Variants in BMP5 observed in about 807,000 individuals in gnomAD.
BMP5 encodes bone morphogenetic protein 5.
A neutral mutation model predicts 46.6 loss-of-function variants in BMP5; 23 were observed. The ratio of observed to expected loss-of-function variants is 0.49; its 90% CI spans 0.35 to 0.70. The LOEUF is 0.70. Among genes scored for constraint, BMP5 ranks in the 30% least tolerant of loss-of-function variants. The pLI is 0.00. For missense variants in BMP5, 545 were observed against 565.6 expected, an observed-to-expected ratio of 0.96 and a Z score of 0.37; for synonymous variants, 204 against 191.9, an observed-to-expected ratio of 1.06 and a Z score of -0.52.
intron 2 of BMP5, among the ~76,000 whole-genome samples, chr6:55,798,017 C>T (rs1010557962): frequency 2.0e-5 from 3 of 152,138 alleles, no homozygotes; most frequent in Admixed American, 6.5e-5. Flanking sequence ...TCAGCAGGGT[C>T]GGTTCTTTCT....
At chr6:55,855,362 G>A (rs1777365950) in intron 1 of BMP5, among the ~76,000 whole-genome samples, 1 of 151,758 alleles carries the variant, frequency 6.6e-6, no homozygotes, top group Non-Finnish European at 1.5e-5. Context: ...TCCAGCCTAG[G>A]TGACAGAGCA....
chr6:55,829,784 T>C (rs1776621943), intron 1 of BMP5, among the ~76,000 whole-genome samples: 1 of 152,004 alleles, frequency 6.6e-6, no homozygotes, highest in Non-Finnish European at 1.5e-5. Flanking sequence ...GAATTACGCA[T>C]TGTGAAACAC....
intron 1 of BMP5, among the ~76,000 whole-genome samples, chr6:55,850,402 A>G (rs1012396416): frequency 6.6e-6 from 1 of 151,262 alleles, no homozygotes; most frequent in Non-Finnish European, 1.5e-5. Flanking sequence ...AGATCGATAG[A>G]TATAGATAGA....
chr6:55,859,714 C>T (rs1465693702), intron 1 of BMP5, among the ~76,000 whole-genome samples: 2 of 152,148 alleles, frequency 1.3e-5, no homozygotes, highest in East Asian at 3.8e-4. Context: ...ACAATGTCAA[C>T]AAATTAAAGT....
chr6:55,797,517 T>C (rs1295751166), intron 2 of BMP5, among the ~76,000 whole-genome samples: 1 of 152,154 alleles, frequency 6.6e-6, no homozygotes, highest in East Asian at 1.9e-4. Context: ...GTTACAATAC[T>C]TGAAATTAAA....
chr6:55,833,045 G>C (rs1255933882), intron 1 of BMP5, among the ~76,000 whole-genome samples: 1 of 152,138 alleles, frequency 6.6e-6, no homozygotes, highest in East Asian at 1.9e-4. Context: ...GAGCCCAGGA[G>C]TTCAAGGTTA....
chr6:55,780,456 T>TAAAA (rs369703099), intron 3 of BMP5, among the ~76,000 whole-genome samples: 35,640 of 60,788 alleles, frequency 0.59, 12,027 homozygotes, highest in Non-Finnish European at 0.6. Flanking sequence ...CCATCACTAC[T>TAAAA]AAAAAAAAAA....
chr6:55,810,538 G>T (rs1776104753), intron 2 of BMP5, among the ~76,000 whole-genome samples: 1 of 152,082 alleles, frequency 6.6e-6, no homozygotes, highest in Admixed American at 6.6e-5. Context: ...CAAGCAAAAA[G>T]GACATGAGGC....
At chr6:55,818,628 TA>T (rs2127538103) in intron 2 of BMP5, among the ~76,000 whole-genome samples, 1 of 152,290 alleles carries the variant, frequency 6.6e-6, no homozygotes, top group South Asian at 2.1e-4. Context: ...GCTTTAGCAA[TA>T]GACATGACCT....
intron 1 of BMP5, among the ~76,000 whole-genome samples, chr6:55,826,833 A>C (rs1776543396): frequency 6.6e-6 from 1 of 151,746 alleles, no homozygotes; most frequent in Non-Finnish European, 1.5e-5. Flanking sequence ...CAGATAAACA[A>C]TATTAACTTT....
At chr6:55,771,112 G>A (rs1775037427) in intron 4 of BMP5, among the ~76,000 whole-genome samples, 1 of 151,792 alleles carries the variant, frequency 6.6e-6, no homozygotes, top group Admixed American at 6.6e-5. Flanking sequence ...ACTTCAGTTT[G>A]TAAAAAACAC....
intron 1 of BMP5, among the ~76,000 whole-genome samples, chr6:55,866,352 G>A (rs1362746703): frequency 1.3e-5 from 2 of 152,174 alleles, no homozygotes; most frequent in African/African-American, 4.8e-5. Context: ...CTGAGTCACA[G>A]ATGGTCTGCC....
intron 1 of BMP5, among the ~76,000 whole-genome samples, chr6:55,820,275 T>C (rs1320786555): frequency 6.6e-6 from 1 of 152,088 alleles, no homozygotes; most frequent in Non-Finnish European, 1.5e-5. Flanking sequence ...AGGACTGAGT[T>C]GCAAGTATAC....
intron 3 of BMP5, among the ~76,000 whole-genome samples, chr6:55,787,321 G>T (rs1775472923): frequency 6.6e-6 from 1 of 151,612 alleles, no homozygotes; most frequent in Admixed American, 6.6e-5. Flanking sequence ...TAAGAACTCT[G>T]CATTTCTCAC....
intron 1 of BMP5, among the ~76,000 whole-genome samples, chr6:55,842,139 G>T (rs183888892): frequency 6.6e-6 from 1 of 152,242 alleles, no homozygotes; most frequent in African/African-American, 2.4e-5. Context: ...GTCTGTTGAG[G>T]TTTGTTCTGG....
At chr6:55,776,411 T>C (rs1431359866) in intron 3 of BMP5, among the ~76,000 whole-genome samples, 1 of 151,678 alleles carries the variant, frequency 6.6e-6, no homozygotes, top group Non-Finnish European at 1.5e-5. Flanking sequence ...GCACTTGAAA[T>C]TGGTTTAAGA....
intron 3 of BMP5, among the ~76,000 whole-genome samples, chr6:55,787,807 C>T (rs58518406): frequency 8.6e-5 from 13 of 151,320 alleles, no homozygotes; most frequent in African/African-American, 1.2e-4. Flanking sequence ...ATAATATTGG[C>T]GAAAATAAAA....
chr6:55,816,846 A>T (rs1776283612), intron 2 of BMP5, among the ~76,000 whole-genome samples: 1 of 151,894 alleles, frequency 6.6e-6, no homozygotes, highest in Non-Finnish European at 1.5e-5. Flanking sequence ...GTCACTGTAA[A>T]GCCTTTGTAA....
intron 1 of BMP5, among the ~76,000 whole-genome samples, chr6:55,856,601 T>C (rs920144087): frequency 3.9e-5 from 6 of 152,118 alleles, no homozygotes; most frequent in African/African-American, 1.4e-4. Flanking sequence ...TGTGTAGTGG[T>C]ATCTCATTTT....
Sources: gnomAD v4.1 joint callset for allele counts (sites outside exome capture counted in the v4.1 genomes callset) on GRCh38, gnomAD v4.1.1 for gene constraint, MANE v1.5 for transcripts, NCBI Gene and HGNC (gene_info 2026-07-23, HGNC 2026-07-21) for gene names.